The following EVC2 variants were observed in gnomAD, a reference collection of about 807,000 sequenced individuals.
EVC2 encodes limbin.
In EVC2, 148 loss-of-function variants were observed where a neutral mutation model predicts 149.3. The ratio of observed to expected loss-of-function variants is 0.99; its 90% CI spans 0.87 to 1.14. The LOEUF is 1.14. EVC2 is among the 50% of genes most tolerant of loss of function. The pLI, the probability that EVC2 is intolerant of heterozygous loss-of-function variation, is 0.00. For missense variants in EVC2, 1,854 were observed against 1,627.3 expected, an observed-to-expected ratio of 1.14 and a Z score of -2.40; for synonymous variants, 776 against 649.9, an observed-to-expected ratio of 1.19 and a Z score of -2.95.
intron 8 of EVC2, among the ~76,000 whole-genome samples, chr4:5,664,259 C>T (rs570804263): frequency 2.4e-4 from 37 of 152,236 alleles, no homozygotes; most frequent in African/African-American, 8.7e-4. Flanking sequence ...AACCCCAATC[C>T]AACTCTGAAG....
chr4:5,597,011 C>T (rs1713485924), intron 16 of EVC2, among the ~76,000 whole-genome samples: 1 of 152,148 alleles, frequency 6.6e-6, no homozygotes, highest in African/African-American at 2.4e-5. Context: ...CAAGACTAAA[C>T]CAGGAAGAAG....
At chr4:5,663,068 T>C in intron 9 of EVC2, 39 bp downstream of exon 9, 2 of 1,612,100 alleles carry the variant, frequency 1.2e-6, no homozygotes, top group Non-Finnish European at 1.7e-6. Context: ...AAAACATTCA[T>C]CACATGTGTG....
Position 5,615,455 on chromosome 4 carries a change from A to G in EVC2, c.2796T>C (p.Cys932=), listed in dbSNP as rs368308362. 8 of 1,614,090 alleles carry G rather than the reference A, an allele frequency of 5.0e-6. No individual in the cohort carries two copies. The highest frequency in any genetic ancestry group is 6.8e-6 in the Non-Finnish European group (8 of 1,180,038). The change falls in exon 16 of 22, where the codon TGT becomes TGC. Residue 932 remains cysteine (C), a synonymous_variant. Transcript: ENST00000344408. ...CCAGGTCTTCAGAGGCCTGTTCCTC[A>G]CAGAGGTGAATTTTGTCTTCGATGC... ...KKCIEDKIHL[C]EEQASEDLVE... is the part of the protein sequence containing the mutation.
chr4:5,702,395 T>C (rs562178011), intron 1 of EVC2, among the ~76,000 whole-genome samples: 19 of 152,332 alleles, frequency 1.2e-4, no homozygotes, highest in East Asian at 9.7e-4. Context: ...CCTTATCCTG[T>C]TATATTTCAA....
At chr4:5,571,643 C>T (rs2108774155) in intron 19 of EVC2, among the ~76,000 whole-genome samples, 1 of 152,198 alleles carries the variant, frequency 6.6e-6, no homozygotes, top group Non-Finnish European at 1.5e-5. Context: ...GACTGAGCTT[C>T]CCTGATGATT....
rs1234394860 is a variant in EVC2 at position 5,681,246 on chromosome 4, G to C, written c.870+14C>G. On this transcript the variant is annotated intron_variant, in intron 7 of 21. Transcript: ENST00000344408. The stretch of plus-strand genomic sequence containing the variant: ...TGTGTCCTGAGGGTGCTCAGGGCAT[G>C]TCATGTCTCTTACCGTTACGTTTTC... 1 of 1,614,230 alleles carries C rather than the reference G, an allele frequency of 6.2e-7. No homozygotes were observed. The highest frequency in any genetic ancestry group is 1.7e-5 in the Admixed American group (1 of 60,036).
chr4:5,632,006 C>T lies in EVC2; in HGVS notation c.1497G>A (p.Leu499=), dbSNP rs111779557. 6 of 1,614,144 alleles carry T rather than the reference C, an allele frequency of 3.7e-6. No individual in the cohort carries two copies. In the African/African-American group the frequency reaches 4.0e-5, roughly 11 times the overall value. The change falls in exon 11 of 22, where the codon CTG becomes CTA. Residue 499 remains leucine, a synonymous_variant. Transcript: ENST00000344408. ...ERSAVECSNL[L]RTLHGLEQEH... ...CCTGTTCCAGGCCATGGAGGGTCCG[C>T]AGAAGGTTGCTGCACTCTACAGCAG...
chr4:5,542,533 G>A (rs1721533458), downstream of EVC2, among the ~76,000 whole-genome samples: 1 of 152,110 alleles, frequency 6.6e-6, no homozygotes, highest in African/African-American at 2.4e-5. Context: ...ATCCCTCTGG[G>A]GCCACAACTC....
At chr4:5,691,096 T>C (rs980290364) in intron 4 of EVC2, among the ~76,000 whole-genome samples, 169 bp downstream of exon 4, 38 of 152,248 alleles carry the variant, frequency 2.5e-4, no homozygotes, top group African/African-American at 8.7e-4. Flanking sequence ...AGTCCTAGTA[T>C]TGCCATATGA....
At position 5,678,771 on chromosome 4, in the gene EVC2, C is replaced by CT. The variant is rs1442775172; in HGVS notation, c.870+2488dup. 1.2e-4 allele frequency among the ~76,000 whole-genome samples: 19 copies of CT among 152,316 alleles called. No individual in the cohort carries two copies. The East Asian group carries it at 1.5e-3, about 12-fold the overall frequency. ...CCAAGTATGGAAAAGGTACCAAAGC[C>CT]TGTAATCCCAGCACTTTGGGAGGCC... On this transcript the variant is annotated intron_variant, in intron 7 of 21. Transcript: ENST00000344408.
At chr4:5,594,621 G>GA (rs1177094626) in intron 16 of EVC2, among the ~76,000 whole-genome samples, 11 of 152,044 alleles carry the variant, frequency 7.2e-5, no homozygotes, top group Admixed American at 6.6e-5. Flanking sequence ...CAAAGATGGG[G>GA]AAAAAACAGA....
rs116502852 is a variant in EVC2, at chr4:5,584,817, G to A, written c.2863C>T (p.Arg955Trp). Residue 955 changes from arginine (R) to tryptophan (W), a missense_variant, in exon 17 of 22, where the codon CGG becomes TGG. Physicochemically the swap from Arg to Trp is moderately radical, Grantham distance 101 (BLOSUM62 -3). Transcript: ENST00000344408. ...RGELLRERVQ[R>W]MEAQEGGFAQ... ...AAGCCTCCCTCCTGTGCCTCCATCC[G>A]CTGCACTCTCTCCCGCAGCAATTCA... 1,632 of 1,614,150 alleles carry A rather than the reference G, an allele frequency of 1.0e-3. 10 individuals carry two copies. The African/African-American group carries it at 0.018, about 18-fold the overall frequency.
chr4:5,532,667 T>A, the EVC2 span, among the ~76,000 whole-genome samples: 1 of 152,154 alleles, frequency 6.6e-6, no homozygotes, highest in Non-Finnish European at 1.5e-5. Flanking sequence ...GCTGCCTAAG[T>A]GTGGCCACTG....
At chr4:5,658,061 A>C (rs891858574) in intron 9 of EVC2, among the ~76,000 whole-genome samples, 2 of 152,148 alleles carry the variant, frequency 1.3e-5, no homozygotes, top group Non-Finnish European at 1.5e-5. Context: ...CATAGCTCTG[A>C]CCATAGTGTA....
At chr4:5,582,478 G>C (rs1442370922) in intron 17 of EVC2, among the ~76,000 whole-genome samples, 1 of 152,180 alleles carries the variant, frequency 6.6e-6, no homozygotes, top group Non-Finnish European at 1.5e-5. Flanking sequence ...TTTTGGAACA[G>C]GAATATTTAC....
intron 14 of EVC2, among the ~76,000 whole-genome samples, chr4:5,619,548 T>G (rs1359702083): frequency 6.6e-6 from 1 of 152,218 alleles, no homozygotes; most frequent in African/African-American, 2.4e-5. Context: ...TGCCTTGATC[T>G]TGGACTTCCT....
intron 21 of EVC2, among the ~76,000 whole-genome samples, chr4:5,553,986 G>A (rs1721786440): frequency 6.6e-6 from 1 of 152,188 alleles, no homozygotes; most frequent in Middle Eastern, 3.4e-3. Context: ...CACAAGTGAC[G>A]ACATTGCAAC....
Position 5,678,653 on chromosome 4 carries a change from T to C in EVC2, c.870+2607A>G, listed in dbSNP as rs140958205. Among the ~76,000 whole-genome samples, 333 of 152,324 alleles carry C rather than the reference T, an allele frequency of 2.2e-3. 1 individual carries two copies. The highest frequency in any genetic ancestry group is 7.5e-3 in the African/African-American group (312 of 41,568). ...CACCTAAGCTCTACGGTATAGTCTA[T>C]TCCTCCTGGCTACAAACCTGTACAG... On this transcript the variant is annotated intron_variant, in intron 7 of 21. Coordinates refer to ENST00000344408, the MANE Select transcript of EVC2 (RefSeq NM_147127.5).
chr4:5,624,180 C>A lies in EVC2; in HGVS notation c.2047-1189G>T, dbSNP rs1459500153. ...GAAAAAGCAGTTGGTGCAAAGGCCC[C>A]GTGGTGGGAAAAAAATTGAGATGCA... On this transcript the variant is annotated intron_variant, in intron 13 of 21. Transcript: ENST00000344408. 2.6e-5 allele frequency among the ~76,000 whole-genome samples: 4 copies of A among 151,924 alleles called. No individual in the cohort carries two copies. In the South Asian group the frequency reaches 8.3e-4, roughly 32 times the overall value.
Sources: allele counts gnomAD v4.1 joint callset (sites outside exome capture counted in the v4.1 genomes callset), GRCh38; gene constraint gnomAD v4.1.1; transcripts MANE v1.5; gene names NCBI Gene and HGNC (gene_info 2026-07-23, HGNC 2026-07-21).